The following FOXN3 variants were observed in gnomAD, a reference collection of about 807,000 sequenced individuals.
The protein encoded by FOXN3 is forkhead box N3.
A neutral mutation model predicts 38.4 loss-of-function variants in FOXN3; 7 were observed. The observed-to-expected ratio is 0.18, with a 90% confidence interval of 0.10 to 0.34. The LOEUF is 0.34. Among genes scored for constraint, FOXN3 ranks in the 10% least tolerant of loss-of-function variants. The pLI is 1.00. For missense variants in FOXN3, 456 were observed against 613.4 expected (o/e 0.74, Z 2.71); for synonymous variants, 230 against 242.2 (o/e 0.95, Z 0.47).
chr14:89,245,863 G>T (rs930621896), intron 4 of FOXN3, among the ~76,000 whole-genome samples: 2 of 151,852 alleles, frequency 1.3e-5, no homozygotes, highest in African/African-American at 4.8e-5. Context: ...CCCCCATCCC[G>T]CATCTGGCAT....
intron 3 of FOXN3, among the ~76,000 whole-genome samples, chr14:89,281,620 CAGGAGAGGCAAGAAAAT>C (rs1886463137): frequency 2.0e-5 from 3 of 152,136 alleles, no homozygotes; most frequent in African/African-American, 7.2e-5. Context: ...AGTGTGGTAA[CAGGAGAGGCAAGAAAAT>C]AGGAGAGATC....
chr14:89,525,457 G>A (rs1294521498), intron 1 of FOXN3, among the ~76,000 whole-genome samples: 1 of 152,142 alleles, frequency 6.6e-6, no homozygotes, highest in African/African-American at 2.4e-5. Context: ...GGAACCCTCA[G>A]TTCCAGGAAC....
At chr14:89,436,562 G>T (rs1432212111) in intron 1 of FOXN3, among the ~76,000 whole-genome samples, 1 of 152,168 alleles carries the variant, frequency 6.6e-6, no homozygotes, top group Non-Finnish European at 1.5e-5. Context: ...GAGGCATGGG[G>T]TTCGTCGAAT....
rs562037942 is a variant in FOXN3, at chr14:89,363,592, T to C, written c.544-12784A>G. ...AAAATACCATCTTCTCCAAAAGTCA[T>C]TTTGGGCTTAAATGGGATGATGACG... On this transcript the variant is annotated intron_variant, in intron 2 of 5. Coordinates refer to ENST00000557258, the MANE Select transcript of FOXN3 (RefSeq NM_005197.4). Among the ~76,000 whole-genome samples the C allele has an allele frequency of 1.2e-4, 18 of 152,310 alleles. No homozygotes were observed. The South Asian group carries it at 2.1e-3, about 18-fold the overall frequency.
chr14:89,561,693 C>A (rs146285867), intron 1 of FOXN3, among the ~76,000 whole-genome samples: 2 of 152,124 alleles, frequency 1.3e-5, no homozygotes, highest in African/African-American at 4.8e-5. Flanking sequence ...GAAGGAAGTG[C>A]GTGTGTAGGA....
intron 1 of FOXN3, among the ~76,000 whole-genome samples, chr14:89,514,981 A>G (rs2139813689): frequency 6.6e-6 from 1 of 151,262 alleles, no homozygotes; most frequent in African/African-American, 2.4e-5. Flanking sequence ...GTGCAGCAGC[A>G]CAATCTCGGC....
chr14:89,236,498 G>C (rs546713726), intron 4 of FOXN3, among the ~76,000 whole-genome samples: 2 of 152,240 alleles, frequency 1.3e-5, no homozygotes, highest in South Asian at 2.1e-4. Context: ...CTGGGCAACA[G>C]AGCGAGACTC....
chr14:89,355,055 A>C (rs1889152237), intron 2 of FOXN3: 1 of 152,008 alleles, frequency 6.6e-6, no homozygotes, highest in South Asian at 2.1e-4. Flanking sequence ...TGAGTAAAAA[A>C]AATTATGGAT....
intron 4 of FOXN3, among the ~76,000 whole-genome samples, chr14:89,279,273 G>GT (rs1331300429): frequency 1.3e-5 from 2 of 152,144 alleles, no homozygotes; most frequent in Non-Finnish European, 2.9e-5. Context: ...GGGGGAATTT[G>GT]TAACCCTATC....
intron 3 of FOXN3, among the ~76,000 whole-genome samples, chr14:89,344,564 T>C (rs1022600051): frequency 1.3e-5 from 2 of 152,222 alleles, no homozygotes; most frequent in Non-Finnish European, 2.9e-5. Flanking sequence ...AAGACCCATA[T>C]ATATGTCACT....
intron 4 of FOXN3, among the ~76,000 whole-genome samples, chr14:89,246,870 C>G (rs1337313124): frequency 6.6e-6 from 1 of 152,058 alleles, no homozygotes; most frequent in Non-Finnish European, 1.5e-5. Flanking sequence ...GAAAAGAGAG[C>G]ATGACAAGAC....
chr14:89,578,766 C>A (rs1430848867), intron 1 of FOXN3, among the ~76,000 whole-genome samples: 1 of 152,160 alleles, frequency 6.6e-6, no homozygotes, highest in African/African-American at 2.4e-5. Context: ...TAACCAAAGC[C>A]CCCTTCTTCT....
intron 1 of FOXN3, among the ~76,000 whole-genome samples, chr14:89,610,248 T>C (rs1487763318): frequency 6.6e-6 from 1 of 152,188 alleles, no homozygotes; most frequent in Admixed American, 6.5e-5. Flanking sequence ...TGCCACCTGC[T>C]ACCAACGGCA....
At chr14:89,213,822 A>C (rs1439160869) in intron 4 of FOXN3, among the ~76,000 whole-genome samples, 1 of 149,404 alleles carries the variant, frequency 6.7e-6, no homozygotes, top group East Asian at 2.0e-4. Context: ...AGGCATACAA[A>C]TATCAAAAAT....
At chr14:89,578,423 GACACCGCGT>G (rs1294652012) in intron 1 of FOXN3, among the ~76,000 whole-genome samples, 1 of 152,054 alleles carries the variant, frequency 6.6e-6, no homozygotes, top group Non-Finnish European at 1.5e-5. Context: ...TCTAGCTACA[GACACCGCGT>G]ACATGCTAAT....
At chr14:89,436,495 G>T (rs1451661931) in intron 1 of FOXN3, among the ~76,000 whole-genome samples, 1 of 152,014 alleles carries the variant, frequency 6.6e-6, no homozygotes, top group African/African-American at 2.4e-5. Flanking sequence ...CTTTCCCAGA[G>T]TCCCCCAAGT....
At chr14:89,304,147 G>A (rs187453913) in intron 3 of FOXN3, among the ~76,000 whole-genome samples, 15 of 152,330 alleles carry the variant, frequency 9.8e-5, no homozygotes, top group African/African-American at 3.6e-4. Flanking sequence ...TTCTGAGCTG[G>A]TTCAACTTTA....
At chr14:89,216,152 G>A (rs1439294239) in intron 4 of FOXN3, among the ~76,000 whole-genome samples, 1 of 152,164 alleles carries the variant, frequency 6.6e-6, no homozygotes, top group Non-Finnish European at 1.5e-5. Flanking sequence ...CACTTACAGA[G>A]GACTTCCTGT....
At chr14:89,374,431 C>T (rs1360075886) in intron 2 of FOXN3, among the ~76,000 whole-genome samples, 2 of 152,076 alleles carry the variant, frequency 1.3e-5, no homozygotes, top group Non-Finnish European at 2.9e-5. Context: ...GGTATTTCTT[C>T]AAGAGAAACG....
Sources: gnomAD v4.1 joint callset for allele counts (sites outside exome capture counted in the v4.1 genomes callset) on GRCh38, gnomAD v4.1.1 for gene constraint, MANE v1.5 for transcripts, NCBI Gene and HGNC (gene_info 2026-07-23, HGNC 2026-07-21) for gene names.